Variants in MOV10L1 observed in about 807,000 individuals in gnomAD.
The protein encoded by MOV10L1 is RNA helicase Mov10l1.
Under a neutral mutation model 143.8 loss-of-function variants are expected in MOV10L1, and 110 were observed. That is an observed-to-expected ratio of 0.76 (90% confidence interval 0.66 to 0.90). MOV10L1 has a LOEUF of 0.90. MOV10L1 is among the 40% of genes least tolerant of loss of function. The probability of loss-of-function intolerance (pLI) is 0.00; values close to 1 mark genes in which losing one functional copy is unlikely to be tolerated. For missense variants in MOV10L1, 1,406 were observed against 1,526.8 expected, an observed-to-expected ratio of 0.92 and a Z score of 1.32; for synonymous variants, 593 against 581.1, an observed-to-expected ratio of 1.02 and a Z score of -0.29.
At chr22:50,149,140 C>T (rs987734398) in intron 19 of MOV10L1, among the ~76,000 whole-genome samples, 2 of 152,244 alleles carry the variant, frequency 1.3e-5, no homozygotes, top group Non-Finnish European at 2.9e-5. Flanking sequence ...CAGGCCTGTT[C>T]TCAGCGCTTT....
At chr22:50,147,001 A>C in intron 19 of MOV10L1, 1 of 1,511,266 alleles carries the variant, frequency 6.6e-7, no homozygotes, top group Non-Finnish European at 9.0e-7. Context: ...GACAGCACGG[A>C]TCTGAACAAG....
intron 5 of MOV10L1, among the ~76,000 whole-genome samples, chr22:50,111,564 C>T (rs1459705167): frequency 3.1e-5 from 4 of 130,720 alleles, no homozygotes; most frequent in Admixed American, 1.9e-4. Context: ...AGTGCAGTGG[C>T]GCGATCTCTG....
Position 50,125,405 on chromosome 22 carries a change from C to T in MOV10L1, c.1583C>T (p.Ser528Leu). ...QPLLAELLNM[S>L]NYKEKFSTLL... Reference sequence around the variant, plus strand: ...GGTGTTTTCCAGCTTCTGAACATGTCAAATTACAAGGAGAAGTTTTCGACT... The same window carrying T: ...GGTGTTTTCCAGCTTCTGAACATGTTAAATTACAAGGAGAAGTTTTCGACT... The change falls in exon 11 of 27, where the codon TCA becomes TTA. Residue 528 changes from serine (S) to leucine (L), a missense_variant. Around this residue, in one of 3 missense-constraint regions of MOV10L1, gnomAD observed 1,233 missense variants for 1,351.4 expected, o/e 0.91. Transcript: ENST00000262794. 6.2e-7 allele frequency: 1 copy of T among 1,614,084 alleles called. No individual in the cohort carries two copies. The highest frequency in any genetic ancestry group is 8.5e-7 in the Non-Finnish European group (1 of 1,179,980).
chr22:50,121,730 C>T (rs776687480), intron 10 of MOV10L1, among the ~76,000 whole-genome samples: 5 of 152,192 alleles, frequency 3.3e-5, no homozygotes, highest in Admixed American at 6.5e-5. Context: ...AGGTGCTCCT[C>T]AGCTCCTCCC....
At chr22:50,116,333 G>A (rs1424232078) in intron 8 of MOV10L1, among the ~76,000 whole-genome samples, 2 of 151,686 alleles carry the variant, frequency 1.3e-5, no homozygotes, top group Non-Finnish European at 2.9e-5. Context: ...TGTAGTCCCA[G>A]CTACTCAGGA....
intron 3 of MOV10L1, among the ~76,000 whole-genome samples, 167 bp from the exon 4 acceptor site, chr22:50,107,969 T>C (rs1434784869): frequency 6.6e-6 from 1 of 152,236 alleles, no homozygotes; most frequent in Non-Finnish European, 1.5e-5. Flanking sequence ...TTAATAATAA[T>C]ACTTCAGGGT....
chr22:50,096,994 CTT>C (rs1839798166), intron 2 of MOV10L1, among the ~76,000 whole-genome samples: 1 of 152,306 alleles, frequency 6.6e-6, no homozygotes, highest in Middle Eastern at 3.4e-3. Flanking sequence ...TAATTTGTCT[CTT>C]TTATTGCATG....
intron 15 of MOV10L1, among the ~76,000 whole-genome samples, chr22:50,137,562 G>C (rs1220662760): frequency 6.6e-6 from 1 of 151,752 alleles, no homozygotes; most frequent in South Asian, 2.1e-4. Context: ...AAAATTAGCT[G>C]GGTGTGGTGG....
intron 7 of MOV10L1, among the ~76,000 whole-genome samples, 190 bp from the exon 8 acceptor site, chr22:50,114,924 A>G (rs1404967251): frequency 6.6e-6 from 1 of 152,186 alleles, no homozygotes; most frequent in Admixed American, 6.5e-5. Context: ...TGGTAGTCAC[A>G]GCCCTCTCCT....
intron 13 of MOV10L1, among the ~76,000 whole-genome samples, chr22:50,130,402 G>A (rs1167284951): frequency 6.6e-6 from 1 of 151,842 alleles, no homozygotes; most frequent in African/African-American, 2.4e-5. Context: ...CTGAGAAATC[G>A]GCAGTATTTG....
intron 22 of MOV10L1, among the ~76,000 whole-genome samples, chr22:50,154,551 G>A (rs2063378690): frequency 6.6e-6 from 1 of 152,104 alleles, no homozygotes; most frequent in African/African-American, 2.4e-5. Context: ...CCAGGCGACA[G>A]AGTGAGACCC....
intron 13 of MOV10L1, 82 bp downstream of exon 13, chr22:50,128,589 G>A: frequency 1.4e-6 from 1 of 729,894 alleles, no homozygotes. Context: ...CTGTTGCCCA[G>A]GCTGGATTTC....
chr22:50,109,456 T>C (rs1465916015), intron 5 of MOV10L1, among the ~76,000 whole-genome samples: 1 of 151,580 alleles, frequency 6.6e-6, no homozygotes, highest in African/African-American at 2.4e-5. Flanking sequence ...AATCATGAGG[T>C]CAGGGGATCG....
intron 8 of MOV10L1, among the ~76,000 whole-genome samples, chr22:50,116,907 C>T (rs371958047): frequency 6.6e-5 from 10 of 152,124 alleles, no homozygotes; most frequent in Non-Finnish European, 1.2e-4. Flanking sequence ...CTGCCCGCCT[C>T]AGTCTTCCAA....
intron 3 of MOV10L1, among the ~76,000 whole-genome samples, chr22:50,104,704 A>G (rs2147081218): frequency 6.6e-6 from 1 of 152,258 alleles, no homozygotes; most frequent in East Asian, 1.9e-4. Flanking sequence ...TCTGGACATT[A>G]TATTCTTGGT....
At chr22:50,142,246 C>T (rs1205397819) in intron 16 of MOV10L1, 57 bp downstream of exon 16, 14 of 1,451,438 alleles carry the variant, frequency 9.6e-6, no homozygotes, top group East Asian at 2.4e-5. Context: ...GCCTGGAAAA[C>T]GGGGACTTTG....
rs529438045 is a variant in MOV10L1 at position 50,111,486 on chromosome 22, CTTTTTTTTTT to C, written c.744-2144_744-2135del. Reference sequence around the variant, plus strand: ...GAGTGGGGTCCCGACTCTGTCTTTGCTTTTTTTTTTTTTTTTTTTTTTTTTTTGAGACGTT... The same window carrying C: ...GAGTGGGGTCCCGACTCTGTCTTTGCTTTTTTTTTTTTTTTTTGAGACGTT... On this transcript the variant is annotated intron_variant, in intron 5 of 26. Coordinates refer to ENST00000262794, the MANE Select transcript of MOV10L1 (RefSeq NM_018995.3). Among the ~76,000 whole-genome samples, 3 of 59,156 alleles carry C rather than the reference CTTTTTTTTTT, an allele frequency of 5.1e-5. No homozygotes were observed. In the Admixed American group the frequency reaches 6.0e-4, roughly 12 times the overall value. 38.8% of individuals were successfully genotyped at this position (59,156 alleles called of 152,430 possible). A position where few individuals can be genotyped will look rare whatever the true frequency, so the allele number is the denominator to read the frequency against.
rs760943538 is a variant in MOV10L1, at chr22:50,114,613, A to G, written c.1117A>G (p.Ile373Val). ...GAGCAGTTTGGTGAACAACAGAGGAATCTCTCCAGGTAGTGGACGTTTCGG... is the reference window on the plus strand; with the variant it reads ...GAGCAGTTTGGTGAACAACAGAGGAGTCTCTCCAGGTAGTGGACGTTTCGG... ...SESSLVNNRG[I>V]SPGDCTCKGE... The change falls in exon 7 of 27, where the codon ATC (isoleucine) becomes GTC (valine). Residue 373 changes from isoleucine to valine, a missense_variant. Transcript: ENST00000262794. 10 of 1,613,862 alleles carry G rather than the reference A, an allele frequency of 6.2e-6. No individual in the cohort carries two copies. Among genetic ancestry groups the G allele is most frequent in the Non-Finnish European group, 8.5e-6 (10 of 1,179,978 alleles).
Position 50,090,181 on chromosome 22 carries a change from G to T in MOV10L1, c.93G>T (p.Ala31=). ...CCGGGCAGCTGGAGCCCGAGCTCGC[G>T]GAAGGTGGCTCGCGGGAGGCGGCTG... ...EEAGQLEPEL[A]EGDTKLKTVR... is the part of the protein sequence containing the mutation. The change falls in exon 1 of 27, where the codon GCG becomes GCT. Residue 31 remains alanine (A), a synonymous_variant. Transcript: ENST00000262794. 1 of 1,417,922 alleles carries T rather than the reference G, an allele frequency of 7.1e-7. No homozygotes were observed. The allele number at this position is 1,417,922 out of a possible 1,614,324, so 87.8% of individuals were successfully genotyped here.
Sources: allele counts gnomAD v4.1 joint callset (sites outside exome capture counted in the v4.1 genomes callset), GRCh38; gene constraint gnomAD v4.1.1; regional missense constraint gnomAD v4.1.1; transcripts MANE v1.5; gene names NCBI Gene and HGNC (gene_info 2026-07-23, HGNC 2026-07-21).